Variants in CRACDL observed in about 807,000 individuals in gnomAD.
The protein encoded by CRACDL is CRACD like, also known as CRACD-like protein.
Under a neutral mutation model 70.6 loss-of-function variants are expected in CRACDL, and 26 were observed. The ratio of observed to expected loss-of-function variants is 0.37; its 90% CI spans 0.27 to 0.51. The LOEUF is 0.51. Among genes scored for constraint, CRACDL ranks in the 20% least tolerant of loss-of-function variants. The pLI is 0.94. For missense variants in CRACDL, 1,283 were observed against 1,376.9 expected (o/e 0.93, Z 1.08); for synonymous variants, 618 against 615.2 (o/e 1.00, Z -0.07).
At chr2:98,903,744 T>A (rs1361009966) in intron 1 of CRACDL, among the ~76,000 whole-genome samples, 1 of 152,254 alleles carries the variant, frequency 6.6e-6, no homozygotes, top group Non-Finnish European at 1.5e-5. Flanking sequence ...CTCTAATTGC[T>A]TTTGAAGTTA....
At chr2:98,863,244 A>T (rs1052921130) in intron 1 of CRACDL, among the ~76,000 whole-genome samples, 1 of 152,312 alleles carries the variant, frequency 6.6e-6, no homozygotes, top group South Asian at 2.1e-4. Context: ...TAGTAGGCTG[A>T]TATGTTCAAA....
Position 98,822,336 on chromosome 2 carries a change from C to CT in CRACDL, c.1936dup (p.Ser646LysfsTer32). On this transcript the variant is annotated frameshift_variant, in exon 7 of 10. Coordinates refer to ENST00000397899, the MANE Select transcript of CRACDL (RefSeq NM_207362.3). LOFTEE classifies it high-confidence loss of function. This position sits in a 1 kb window ranked among gnomAD's most constrained non-coding sequence, Gnocchi z 4.9. Reference sequence around the variant, plus strand: ...AGGGCTCTTGCGCGGCCCGGCCGGGCTGGCCGCCCTGTCCCCCGAGTCCTG... The same window carrying CT: ...AGGGCTCTTGCGCGGCCCGGCCGGGCTTGGCCGCCCTGTCCCCCGAGTCCTG... 1 of 1,456,252 alleles carries CT rather than the reference C, an allele frequency of 6.9e-7. No individual in the cohort carries two copies. The highest frequency in any genetic ancestry group is 9.0e-7 in the Non-Finnish European group (1 of 1,116,138). 90.2% of individuals were successfully genotyped at this position (1,456,252 alleles called of 1,614,324 possible).
chr2:98,855,612 A>G (rs928654935), intron 1 of CRACDL, among the ~76,000 whole-genome samples: 2 of 152,196 alleles, frequency 1.3e-5, no homozygotes, highest in Non-Finnish European at 2.9e-5. Context: ...ACTCATACAC[A>G]GGGAAAAAAG....
chr2:98,827,130 C>T lies in CRACDL; in HGVS notation c.580G>A (p.Val194Ile), dbSNP rs771734554. ...VSPDHVSDSTVSARISDNSLA... is the reference protein window; with the variant it reads ...VSPDHVSDSTISARISDNSLA... ...CTGTTGTCTGAGATCCGGGCAGAGA[C>T]GGTGCTGTCGCTCACGTGGTCTGGA... Residue 194 changes from valine to isoleucine, a missense_variant, in exon 6 of 10, where the codon GTC becomes ATC. Transcript: ENST00000397899. The T allele has an allele frequency of 4.1e-5, 66 of 1,613,948 alleles. No individual in the cohort carries two copies. The highest frequency in any genetic ancestry group is 9.3e-5 in the African/African-American group (7 of 74,900).
chr2:98,889,847 A>G (rs1023702552), intron 1 of CRACDL, among the ~76,000 whole-genome samples: 1 of 152,220 alleles, frequency 6.6e-6, no homozygotes, highest in African/African-American at 2.4e-5. Context: ...AGAAATCACT[A>G]ACAAAAGAAA....
intron 1 of CRACDL, among the ~76,000 whole-genome samples, chr2:98,868,605 C>T (rs778419066): frequency 2.6e-5 from 4 of 152,148 alleles, no homozygotes; most frequent in South Asian, 4.1e-4. Context: ...TCAGGCAGAG[C>T]GTCTCCCAAG....
intron 2 of CRACDL, among the ~76,000 whole-genome samples, chr2:98,845,589 G>C (rs1706224169): frequency 6.6e-6 from 1 of 151,950 alleles, no homozygotes; most frequent in African/African-American, 2.4e-5. Context: ...AGTGGAAGAG[G>C]GTTGGTCTGA....
At chr2:98,869,370 G>T in intron 1 of CRACDL, 1 of 938,622 alleles carries the variant, frequency 1.1e-6, no homozygotes, top group Non-Finnish European at 1.4e-6. Flanking sequence ...AGAAAAGGCC[G>T]TCTAAGAAAC....
At chr2:98,795,434 C>T (rs1703778598) in intron 9 of CRACDL, among the ~76,000 whole-genome samples, 1 of 152,044 alleles carries the variant, frequency 6.6e-6, no homozygotes, top group Non-Finnish European at 1.5e-5. Flanking sequence ...AGATGCTATG[C>T]TCAGTGAAAG....
At chr2:98,917,431 C>T (rs1198168393) in intron 1 of CRACDL, among the ~76,000 whole-genome samples, 1 of 152,234 alleles carries the variant, frequency 6.6e-6, no homozygotes, top group African/African-American at 2.4e-5. Context: ...GCAGCTTCCT[C>T]TCCCAAGGCA....
At chr2:98,829,911 A>T (rs892728822) in intron 5 of CRACDL, among the ~76,000 whole-genome samples, 1 of 152,150 alleles carries the variant, frequency 6.6e-6, no homozygotes, top group African/African-American at 2.4e-5. Context: ...ACCCAATCTC[A>T]TCTCATCCCC....
intron 1 of CRACDL, among the ~76,000 whole-genome samples, chr2:98,854,065 C>T (rs1022356304): frequency 2.0e-5 from 3 of 151,814 alleles, no homozygotes; most frequent in African/African-American, 4.8e-5. Flanking sequence ...GGGTGGATCA[C>T]GAGGTCAGGA....
At chr2:98,826,909 G>GGT in intron 6 of CRACDL, 66 bp downstream of exon 6, 1 of 1,288,900 alleles carries the variant, frequency 7.8e-7, no homozygotes, top group Non-Finnish European at 1.1e-6. Flanking sequence ...GGCAGGTTGG[G>GGT]GGGGGGCATA....
chr2:98,876,810 G>A (rs1707498239), intron 1 of CRACDL, among the ~76,000 whole-genome samples: 1 of 152,198 alleles, frequency 6.6e-6, no homozygotes, highest in Non-Finnish European at 1.5e-5. Context: ...GCCTGTGAAG[G>A]ACCAGGCTAG....
intron 1 of CRACDL, among the ~76,000 whole-genome samples, chr2:98,911,243 C>T (rs1474357659): frequency 6.6e-6 from 1 of 152,164 alleles, no homozygotes; most frequent in Non-Finnish European, 1.5e-5. Flanking sequence ...GGGGCTCAAG[C>T]GAGACTGCTG....
intron 7 of CRACDL, among the ~76,000 whole-genome samples, chr2:98,805,877 C>T (rs186907084): frequency 2.0e-5 from 3 of 152,338 alleles, no homozygotes; most frequent in South Asian, 4.1e-4. Context: ...ACCCGCCTCC[C>T]GCTGGGCCAC....
intron 1 of CRACDL, among the ~76,000 whole-genome samples, chr2:98,927,283 C>G (rs564621400): frequency 1.3e-5 from 2 of 152,202 alleles, no homozygotes; most frequent in Non-Finnish European, 2.9e-5. Context: ...ACTCCCTGGC[C>G]ACGCTGGAGG....
At chr2:98,863,825 T>C (rs1707027555) in intron 1 of CRACDL, among the ~76,000 whole-genome samples, 2 of 152,180 alleles carry the variant, frequency 1.3e-5, no homozygotes, top group African/African-American at 4.8e-5. Flanking sequence ...GTCTCAAAAC[T>C]AGATTCCACC....
At chr2:98,842,237 T>G (rs1706061005) in intron 2 of CRACDL, among the ~76,000 whole-genome samples, 1 of 152,076 alleles carries the variant, frequency 6.6e-6, no homozygotes, top group African/African-American at 2.4e-5. Flanking sequence ...ACATTTTGCA[T>G]AATTTCCTGT....
Sources: gnomAD v4.1 joint callset for allele counts (sites outside exome capture counted in the v4.1 genomes callset) on GRCh38, gnomAD v4.1.1 for gene constraint, Gnocchi (gnomAD v3.1) non-coding constraint, MANE v1.5 for transcripts, NCBI Gene and HGNC (gene_info 2026-07-23, HGNC 2026-07-21) for gene names.